TTLL4: variants seen among roughly 807,000 people sequenced by gnomAD.
TTLL4 encodes the protein tubulin tyrosine ligase like 4, also known as tubulin monoglutamylase TTLL4.
In TTLL4, 85 loss-of-function variants were observed where a neutral mutation model predicts 122.7. The ratio of observed to expected loss-of-function variants is 0.69; its 90% CI spans 0.58 to 0.83. TTLL4 has a LOEUF of 0.83. Ranked by LOEUF, TTLL4 falls within the 40% of genes least tolerant of loss-of-function variation. The probability of loss-of-function intolerance (pLI) is 0.00; values close to 1 mark genes in which losing one functional copy is unlikely to be tolerated. For missense variants in TTLL4, 1,363 were observed against 1,488.6 expected (o/e 0.92, Z 1.39); for synonymous variants, 553 against 563.0 (o/e 0.98, Z 0.25).
At position 218,739,007 on chromosome 2, in the gene TTLL4, C is replaced by T; in HGVS notation, c.1331C>T (p.Ser444Leu). 8.7e-6 allele frequency: 14 copies of T among 1,614,182 alleles called. No homozygotes were observed. The highest frequency in any genetic ancestry group is 1.1e-5 in the South Asian group (1 of 91,086). ...GCCTGTGAATCTGTAATTGACTCCT[C>T]AGCATTTGGAGAAGGCAAAGCTCCA... ...NPACESVIDS[S>L]AFGEGKAPGP... The change falls in exon 3 of 20, where the codon TCA becomes TTA. Residue 444 changes from serine to leucine, a missense_variant. Ser to Leu is a moderately radical substitution (Grantham distance 145). Transcript: ENST00000392102.
chr2:218,740,214 T>C (rs1942661135), intron 4 of TTLL4, 47 bp downstream of exon 4: 1 of 1,575,704 alleles, frequency 6.3e-7, no homozygotes, highest in Non-Finnish European at 8.7e-7. Context: ...GGTTATGACC[T>C]GTTGGGCAGG....
In TTLL4 at chr2:218,751,730, G is replaced by T. The variant is rs1251538740; in HGVS notation, c.2900G>T (p.Cys967Phe). Residue 967 changes from cysteine to phenylalanine, a missense_variant, in exon 16 of 20, where the codon TGT (cysteine) becomes TTT (phenylalanine). By Grantham distance (205) the Cys-to-Phe change is radical. Around this residue, in one of 3 missense-constraint regions of TTLL4, gnomAD observed 596 missense variants for 655.8 expected, o/e 0.91. Transcript: ENST00000392102. ...TSLPTSPGDKCRMAPEHVTAQ... is the reference protein window; with the variant it reads ...TSLPTSPGDKFRMAPEHVTAQ... ...CTGCCCACCTCCCCTGGGGACAAAT[G>T]TCGAATGGCTCCAGAGCATGTCACT... The T allele has an allele frequency of 2.5e-6, 4 of 1,613,292 alleles. No individual in the cohort carries two copies. The highest frequency in any genetic ancestry group is 3.4e-6 in the Non-Finnish European group (4 of 1,179,514).
intron 2 of TTLL4, among the ~76,000 whole-genome samples, chr2:218,728,670 CAATGTGGGAAGGCTGACTAG>C (rs1942264014): frequency 1.3e-5 from 2 of 152,132 alleles, no homozygotes; most frequent in African/African-American, 4.8e-5. Context: ...AATATCCTGG[CAATGTGGGAAGGCTGACTAG>C]GGATTTGTGC....
Position 218,750,123 on chromosome 2 carries a change from C to T in TTLL4, c.2850C>T (p.Ser950=). 1 of 1,613,870 alleles carries T rather than the reference C, an allele frequency of 6.2e-7. No individual in the cohort carries two copies. The highest frequency in any genetic ancestry group is 8.5e-7 in the Non-Finnish European group (1 of 1,179,850). ...PNAEDIISSP[S]SCSSSTTSLP... ...CAGAGGATATCATTTCCAGCCCCAG[C>T]AGCTGCAGCAGCTCCACCACCAGGT... The change falls in exon 15 of 20, where the codon AGC becomes AGT. Residue 950 remains serine (S), a synonymous_variant. Coordinates refer to ENST00000392102, the MANE Select transcript of TTLL4 (RefSeq NM_014640.5).
intron 1 of TTLL4, among the ~76,000 whole-genome samples, chr2:218,711,711 A>G (rs1941712333): frequency 6.6e-6 from 1 of 151,920 alleles, no homozygotes; most frequent in South Asian, 2.1e-4. Flanking sequence ...CATTTGCCAT[A>G]CTGTGGTGTG....
rs914335878 is a variant in TTLL4 at position 218,752,956 on chromosome 2, A to G, written c.3170A>G (p.His1057Arg). 2.5e-6 allele frequency: 4 copies of G among 1,614,110 alleles called. No homozygotes were observed. The African/African-American group carries it at 5.3e-5, about 22-fold the overall frequency. Residue 1057 changes from histidine (H) to arginine (R), a missense_variant, in exon 17 of 20, where the codon CAT becomes CGT. Transcript: ENST00000392102. The part of the protein sequence containing the change: ...ILTTQWEQKY[H>R]GNKLKGVDLL... ...ACCACCCAATGGGAACAGAAATACCATGGCAACAAGCTTAAAGGTGATGTG... is the reference window on the plus strand; with the variant it reads ...ACCACCCAATGGGAACAGAAATACCGTGGCAACAAGCTTAAAGGTGATGTG...
intron 2 of TTLL4, among the ~76,000 whole-genome samples, chr2:218,729,768 A>AAAAC (rs1942312052): frequency 6.7e-6 from 1 of 148,368 alleles, no homozygotes; most frequent in African/African-American, 2.5e-5. Flanking sequence ...AAAAACAAAA[A>AAAAC]AAAAAAAAAC....
chr2:218,738,726 G>A lies in TTLL4; in HGVS notation c.1050G>A (p.Lys350=). ...VRKLTARGFE[K]MPRQGCQLEQ... is the part of the protein sequence containing the mutation. ...AATTGACCGCAAGAGGCTTTGAGAAGATGCCGAGGCAAGGCTGCCAGCTTG... is the reference window on the plus strand; with the variant it reads ...AATTGACCGCAAGAGGCTTTGAGAAAATGCCGAGGCAAGGCTGCCAGCTTG... The change falls in exon 3 of 20, where the codon AAG becomes AAA. Residue 350 remains lysine (K), a synonymous_variant. Coordinates refer to ENST00000392102, the MANE Select transcript of TTLL4 (RefSeq NM_014640.5). The A allele has an allele frequency of 6.2e-7, 1 of 1,614,238 alleles. No individual in the cohort carries two copies. Among genetic ancestry groups the A allele is most frequent in the Non-Finnish European group, 8.5e-7 (1 of 1,180,050 alleles).
rs776631243 is a variant in TTLL4 at position 218,752,875 on chromosome 2, A to T, written c.3089A>T (p.His1030Leu). The stretch of plus-strand genomic sequence containing the variant: ...CAGTTTGAACGAATTTTTCCTTCTC[A>T]TATCTCCTCTCGCTATCTCCGCTTT... ...RGQFERIFPS[H>L]ISSRYLRFFE... is the part of the protein sequence containing the mutation. Residue 1030 changes from histidine to leucine, a missense_variant, in exon 17 of 20, where the codon CAT becomes CTT. His to Leu is a moderately conservative substitution (Grantham distance 99). This residue lies in a region of TTLL4 where 596 missense variants were observed against 655.8 expected (regional missense o/e 0.91). Transcript: ENST00000392102. 20 of 1,614,038 alleles carry T rather than the reference A, an allele frequency of 1.2e-5. 2 individuals are homozygous for T. The South Asian group carries it at 1.6e-4, about 13-fold the overall frequency.
chr2:218,740,699 C>A, intron 5 of TTLL4, 115 bp downstream of exon 5: 1 of 1,256,346 alleles, frequency 8.0e-7, no homozygotes, highest in Non-Finnish European at 1.1e-6. Flanking sequence ...GCATTTTTAC[C>A]AAATTTTTAT....
In TTLL4 at chr2:218,738,171, C is replaced by T. The variant is rs1420846929; in HGVS notation, c.495C>T (p.Ser165=). The T allele has an allele frequency of 6.2e-7, 1 of 1,614,000 alleles. No homozygotes were observed. Among genetic ancestry groups the T allele is most frequent in the Non-Finnish European group, 8.5e-7 (1 of 1,180,036 alleles). The change falls in exon 3 of 20, where the codon TCC becomes TCT. Residue 165 remains serine (S), a synonymous_variant. Coordinates refer to ENST00000392102, the MANE Select transcript of TTLL4 (RefSeq NM_014640.5). ...VSLTANKATS[S]MVFSMAQPMA... is the part of the protein sequence containing the mutation. ...TCACTGCCAACAAGGCCACTTCTTCCATGGTCTTCTCCATGGCCCAGCCCA... is the reference window on the plus strand; with the variant it reads ...TCACTGCCAACAAGGCCACTTCTTCTATGGTCTTCTCCATGGCCCAGCCCA...
At position 218,740,149 on chromosome 2, in the gene TTLL4, G is replaced by A; in HGVS notation, c.1579G>A (p.Glu527Lys). The change falls in exon 4 of 20, where the codon GAG (glutamate) becomes AAG (lysine). Residue 527 changes from glutamate (E) to lysine (K), a missense_variant. Glu to Lys is a moderately conservative substitution (Grantham distance 56). This residue lies in a region of TTLL4 where 760 missense variants were observed against 808.4 expected (regional missense o/e 0.94). Transcript: ENST00000392102. ...TTTGGAAGACTGTTGTAGCCGTGATGAGAATGAAGAGGAGGAGGGTGAGTA... is the reference window on the plus strand; with the variant it reads ...TTTGGAAGACTGTTGTAGCCGTGATAAGAATGAAGAGGAGGAGGGTGAGTA... The part of the protein sequence containing the change: ...DGLEDCCSRD[E>K]NEEEEGDSEC... 6.2e-7 allele frequency: 1 copy of A among 1,614,196 alleles called. No homozygotes were observed. Among genetic ancestry groups the A allele is most frequent in the Non-Finnish European group, 8.5e-7 (1 of 1,180,032 alleles).
Position 218,747,172 on chromosome 2 carries a change from GC to G in TTLL4, c.2146del (p.Gln716LysfsTer5). The G allele has an allele frequency of 6.2e-7, 1 of 1,614,166 alleles. No homozygotes were observed. Among genetic ancestry groups the G allele is most frequent in the Non-Finnish European group, 8.5e-7 (1 of 1,180,030 alleles). On this transcript the variant is annotated frameshift_variant, in exon 9 of 20. Coordinates refer to ENST00000392102, the MANE Select transcript of TTLL4 (RefSeq NM_014640.5). LOFTEE classifies it high-confidence loss of function. This position sits in a 1 kb window ranked among gnomAD's most constrained non-coding sequence, Gnocchi z 4.7. The part of the protein sequence containing the change: ...LLRKAWESSS[R>X]QKWIVKPPAS... ...CGCAAAGCGTGGGAGAGCAGCAGCC[GC>G]CAAAAGTGGATTGTGAAGCCAGTGA... is the stretch of plus-strand genomic sequence containing the variant.
chr2:218,758,835 A>ATGTTCATAGCAGCT (rs1372739750), downstream of TTLL4, among the ~76,000 whole-genome samples: 1 of 152,234 alleles, frequency 6.6e-6, no homozygotes, highest in African/African-American at 2.4e-5. Flanking sequence ...TTGCAGGCAA[A>ATGTTCATAGCAGCT]TGTTCATAGC....
intron 2 of TTLL4, among the ~76,000 whole-genome samples, chr2:218,734,883 A>G (rs548330968): frequency 2.7e-4 from 41 of 152,164 alleles, no homozygotes; most frequent in Middle Eastern, 3.2e-3. Context: ...ATGCTTCTCT[A>G]CCACAAACAC....
intron 14 of TTLL4, 50 bp from the exon 15 acceptor site, chr2:218,749,959 G>T: frequency 6.2e-7 from 1 of 1,600,640 alleles, no homozygotes; most frequent in South Asian, 1.1e-5. Context: ...TATGACCAGA[G>T]ACTGTTTCGG....
chr2:218,738,316 A>G lies in TTLL4; in HGVS notation c.640A>G (p.Lys214Glu). Residue 214 changes from lysine (K) to glutamate (E), a missense_variant, in exon 3 of 20, where the codon AAG becomes GAG. By Grantham distance (56) the Lys-to-Glu change is moderately conservative. This residue lies in a region of TTLL4 where 760 missense variants were observed against 808.4 expected (regional missense o/e 0.94). Transcript: ENST00000392102. ...CCCATCTCCACTCTCTTCCTCCTAT[A>G]AGCCCATGCTGAATAATAATTCCTT... ...KIPSPLSSSY[K>E]PMLNNNSFMW... The G allele has an allele frequency of 6.2e-7, 1 of 1,614,010 alleles. No homozygotes were observed. Among genetic ancestry groups the G allele is most frequent in the Non-Finnish European group, 8.5e-7 (1 of 1,180,004 alleles).
intron 2 of TTLL4, among the ~76,000 whole-genome samples, chr2:218,729,057 C>G (rs1368743555): frequency 6.6e-6 from 1 of 151,564 alleles, no homozygotes; most frequent in Admixed American, 6.6e-5. Context: ...CTCAGCCTCC[C>G]AAGTAGCTGG....
At chr2:218,755,960 A>G (rs893770233), downstream of TTLL4, among the ~76,000 whole-genome samples, 3 of 152,304 alleles carry the variant, frequency 2.0e-5, no homozygotes, top group East Asian at 1.9e-4. Context: ...AGTCCTGGGC[A>G]TCATTGGCTG....
Sources: allele counts gnomAD v4.1 joint callset (sites outside exome capture counted in the v4.1 genomes callset), GRCh38; gene constraint gnomAD v4.1.1; regional missense constraint gnomAD v4.1.1; non-coding constraint Gnocchi (gnomAD v3.1); transcripts MANE v1.5; gene names NCBI Gene and HGNC (gene_info 2026-07-23, HGNC 2026-07-21).